The following ABCA4 variants were observed in gnomAD, a reference collection of about 807,000 sequenced individuals.
ABCA4 encodes the protein ATP binding cassette subfamily A member 4.
In ABCA4, 196 loss-of-function variants were observed where a neutral mutation model predicts 263.7. The ratio of observed to expected loss-of-function variants is 0.74; its 90% CI spans 0.66 to 0.84. The LOEUF (loss-of-function observed/expected upper bound fraction) is 0.84, where lower values mean the gene tolerates loss of function less well. ABCA4 is among the 40% of genes least tolerant of loss of function. The pLI, the probability that ABCA4 is intolerant of heterozygous loss-of-function variation, is 0.00. For missense variants in ABCA4, 2,792 were observed against 2,855.1 expected, an observed-to-expected ratio of 0.98 and a Z score of 0.50; for synonymous variants, 1,133 against 1,094.2, an observed-to-expected ratio of 1.04 and a Z score of -0.70.
At chr1:94,011,776 C>T (rs923604084) in intron 38 of ABCA4, among the ~76,000 whole-genome samples, 1 of 152,242 alleles carries the variant, frequency 6.6e-6, no homozygotes. Flanking sequence ...ACTGTCCTTA[C>T]CCCTCCCCTA....
At chr1:94,108,537 T>C in intron 4 of ABCA4, 40 bp downstream of exon 4, 1 of 1,611,860 alleles carries the variant, frequency 6.2e-7, no homozygotes, top group Non-Finnish European at 8.5e-7. Flanking sequence ...TCTCCATAGG[T>C]GAGGGAAATG....
At chr1:94,002,335 A>C (rs1557759757) in intron 44 of ABCA4, among the ~76,000 whole-genome samples, 1 of 152,242 alleles carries the variant, frequency 6.6e-6, no homozygotes, top group Admixed American at 6.5e-5. Context: ...CTGTTTGAGA[A>C]GATGGTGAGT....
chr1:94,085,703 T>C lies in ABCA4; in HGVS notation c.769-2262A>G, dbSNP rs201207440. Reference sequence around the variant, plus strand: ...ACTACGTTTTGACACACATGACCTCTGTGAGCTGGTGCCTGGCTCCCTCAC... The same window carrying C: ...ACTACGTTTTGACACACATGACCTCCGTGAGCTGGTGCCTGGCTCCCTCAC... On this transcript the variant is annotated intron_variant, in intron 6 of 49. Coordinates refer to ENST00000370225, the MANE Select transcript of ABCA4 (RefSeq NM_000350.3). Among the ~76,000 whole-genome samples, 289 of 152,310 alleles carry C rather than the reference T, an allele frequency of 1.9e-3. 3 individuals carry two copies. Among genetic ancestry groups the C allele is most frequent in the African/African-American group, 6.8e-3 (282 of 41,566 alleles).
chr1:94,031,386 C>CA (rs1224099991), intron 27 of ABCA4, among the ~76,000 whole-genome samples: 7 of 152,152 alleles, frequency 4.6e-5, no homozygotes, highest in African/African-American at 1.7e-4. Context: ...TTTCAAAGAG[C>CA]AAGTCACGTG....
chr1:93,996,254 C>T, intron 48 of ABCA4, 59 bp from the exon 49 acceptor site: 2 of 1,227,842 alleles, frequency 1.6e-6, no homozygotes, highest in Non-Finnish European at 2.4e-6. Flanking sequence ...GCACCCTACA[C>T]CCACCTACCC....
chr1:94,029,304 G>T, intron 30 of ABCA4, 141 bp downstream of exon 30: 1 of 815,120 alleles, frequency 1.2e-6, no homozygotes, highest in Non-Finnish European at 1.8e-6. Context: ...CCTCCCAGAG[G>T]GTGCAGGGAG....
intron 36 of ABCA4, among the ~76,000 whole-genome samples, chr1:94,017,587 C>A (rs760582878): frequency 6.6e-6 from 1 of 152,064 alleles, no homozygotes; most frequent in Non-Finnish European, 1.5e-5. Flanking sequence ...GGGCAATGGG[C>A]GAAAGAGGAG....
At chr1:94,116,727 G>A (rs905828852) in intron 1 of ABCA4, among the ~76,000 whole-genome samples, 4 of 152,132 alleles carry the variant, frequency 2.6e-5, no homozygotes, top group Middle Eastern at 3.4e-3. Context: ...TGTCCTTGAC[G>A]CTTAACTGCG....
Position 94,117,002 on chromosome 1 carries a change from CTT to C in ABCA4, c.67-3938_67-3937del, listed in dbSNP as rs1291960595. ...TCTTTCTTTCTTTCTTTCTTTCTTT[CTT>C]TCTTTCTTTCTTTCTTTCTTTCCTT... On this transcript the variant is annotated intron_variant, in intron 1 of 49. Coordinates refer to ENST00000370225, the MANE Select transcript of ABCA4 (RefSeq NM_000350.3). Among the ~76,000 whole-genome samples the C allele has an allele frequency of 3.6e-5, 4 of 110,516 alleles. No homozygotes were observed. The Admixed American group carries it at 3.8e-4, about 11-fold the overall frequency. 72.5% of individuals were successfully genotyped at this position (110,516 alleles called of 152,430 possible).
rs184398077 is a variant in ABCA4, at chr1:94,083,344, C to T, written c.858+8G>A. 1.8e-5 allele frequency: 28 copies of T among 1,585,248 alleles called. No homozygotes were observed. In the East Asian group the frequency reaches 6.3e-4, roughly 35 times the overall value. On this transcript the variant is annotated splice_region_variant and intron_variant, in intron 7 of 49. Transcript: ENST00000370225. ...TGAAATTATAATTACTACCATCAGG[C>T]TACTCACCTCTTGAATTCTTGGTGA...
chr1:94,036,146 G>A (rs890970232), intron 26 of ABCA4, among the ~76,000 whole-genome samples: 4 of 151,962 alleles, frequency 2.6e-5, no homozygotes, highest in Non-Finnish European at 5.9e-5. Context: ...TGAGGATGAT[G>A]ACATGGCAGG....
At chr1:94,093,756 G>A (rs1374978561) in intron 6 of ABCA4, among the ~76,000 whole-genome samples, 3 of 152,228 alleles carry the variant, frequency 2.0e-5, no homozygotes, top group Non-Finnish European at 4.4e-5. Flanking sequence ...TAGGCTCAAT[G>A]TGCACGAAGG....
At chr1:94,082,754 C>T (rs143465616) in intron 7 of ABCA4, among the ~76,000 whole-genome samples, 235 of 152,356 alleles carry the variant, frequency 1.5e-3, no homozygotes, top group African/African-American at 5.3e-3. Flanking sequence ...CCCACAGGGT[C>T]ATGACCAAAT....
intron 11 of ABCA4, among the ~76,000 whole-genome samples, chr1:94,072,555 G>T (rs1661433110): frequency 6.6e-6 from 1 of 152,188 alleles, no homozygotes. Context: ...GAAGAATAAT[G>T]TATTAATTTT....
At position 94,026,960 on chromosome 1, in the gene ABCA4, TAGAG is replaced by T. The variant is rs377485125; in HGVS notation, c.4540-1916_4540-1913del. Among the ~76,000 whole-genome samples, 697 of 149,450 alleles carry T rather than the reference TAGAG, an allele frequency of 4.7e-3. 3 individuals carry two copies. Among genetic ancestry groups the T allele is most frequent in the Non-Finnish European group, 7.1e-3 (479 of 67,248 alleles). On this transcript the variant is annotated intron_variant, in intron 30 of 49. Coordinates refer to ENST00000370225, the MANE Select transcript of ABCA4 (RefSeq NM_000350.3). ...TGAGAAAGAGAGAGAGAGAGAAAGA[TAGAG>T]AGAGAATGAGAAAGAGATTGAGAGA...
At chr1:94,055,812 T>C (rs897513161) in intron 15 of ABCA4, among the ~76,000 whole-genome samples, 2 of 152,202 alleles carry the variant, frequency 1.3e-5, no homozygotes, top group African/African-American at 4.8e-5. Context: ...CTCTGGAGCC[T>C]AATAAGTGTG....
rs148075653 is a variant in ABCA4 at position 94,092,546 on chromosome 1, G to T, written c.768+6248C>A. Among the ~76,000 whole-genome samples, 1,448 of 152,290 alleles carry T rather than the reference G, an allele frequency of 9.5e-3. 20 individuals carry two copies. Among genetic ancestry groups the T allele is most frequent in the African/African-American group, 0.033 (1,370 of 41,564 alleles). On this transcript the variant is annotated intron_variant, in intron 6 of 49. Coordinates refer to ENST00000370225, the MANE Select transcript of ABCA4 (RefSeq NM_000350.3). ...AGTGGAGAATTCAGACTCAATCACT[G>T]GGGGGTTGGGGGACATGTCAAACGG...
At position 94,096,081 on chromosome 1, in the gene ABCA4, A is replaced by T. The variant is rs112996770; in HGVS notation, c.768+2713T>A. Among the ~76,000 whole-genome samples the T allele has an allele frequency of 2.6e-3, 400 of 152,334 alleles. 4 individuals carry two copies. Among genetic ancestry groups the T allele is most frequent in the South Asian group, 0.017 (80 of 4,820 alleles). ...TCAAATGAAAGTTCTTTGGACCCTC[A>T]GAGGTGTGTGGGGTACTATTATTAT... On this transcript the variant is annotated intron_variant, in intron 6 of 49. Coordinates refer to ENST00000370225, the MANE Select transcript of ABCA4 (RefSeq NM_000350.3).
intron 47 of ABCA4, among the ~76,000 whole-genome samples, chr1:93,999,820 A>G (rs943353866): frequency 3.9e-5 from 6 of 152,222 alleles, no homozygotes; most frequent in African/African-American, 1.4e-4. Context: ...CTGGAGGGAA[A>G]GGAATAGGAG....
Sources: allele counts gnomAD v4.1 joint callset (sites outside exome capture counted in the v4.1 genomes callset), GRCh38; gene constraint gnomAD v4.1.1; transcripts MANE v1.5; gene names NCBI Gene and HGNC (gene_info 2026-07-23, HGNC 2026-07-21).